Variants in LEO1 observed in about 807,000 individuals in gnomAD.
LEO1 encodes the protein RNA polymerase-associated protein LEO1.
A neutral mutation model predicts 80.4 loss-of-function variants in LEO1; 34 were observed. The observed-to-expected ratio is 0.42, with a 90% confidence interval of 0.32 to 0.56. LEO1 has a LOEUF of 0.56. LEO1 is among the 20% of genes least tolerant of loss of function. The probability of loss-of-function intolerance (pLI) is 0.10; values close to 1 mark genes in which losing one functional copy is unlikely to be tolerated. For synonymous variants in LEO1, 262 were observed against 274.9 expected (o/e 0.95, Z 0.46); for missense variants, 631 against 814.2 (o/e 0.77, Z 2.74).
intron 6 of LEO1, among the ~76,000 whole-genome samples, 185 bp downstream of exon 6, chr15:51,958,557 G>GA (rs2057006881): frequency 6.6e-6 from 1 of 152,184 alleles, no homozygotes; most frequent in Non-Finnish European, 1.5e-5. Flanking sequence ...GTATCAAAGA[G>GA]AAGCATTAAT....
chr15:51,960,845 C>G, intron 3 of LEO1, 112 bp from the exon 4 acceptor site: 1 of 667,188 alleles, frequency 1.5e-6, no homozygotes, highest in Non-Finnish European at 2.7e-6. Context: ...AGAAAACCAC[C>G]AAAAACATAA....
chr15:51,970,678 A>G (rs1305776159), intron 1 of LEO1, among the ~76,000 whole-genome samples: 2 of 152,216 alleles, frequency 1.3e-5, no homozygotes, highest in Non-Finnish European at 2.9e-5. Context: ...GGTTGGAGGA[A>G]GGAGCATATG....
chr15:51,971,730 C>T lies in LEO1; in HGVS notation c.16G>A (p.Asp6Asn), dbSNP rs141666233. The T allele has an allele frequency of 2.6e-5, 42 of 1,614,098 alleles. No homozygotes were observed. Among genetic ancestry groups the T allele is most frequent in the Non-Finnish European group, 3.2e-5 (38 of 1,180,046 alleles). Residue 6 changes from aspartate to asparagine, a missense_variant, in exon 1 of 12, where the codon GAT becomes AAT. Physicochemically the swap from Asp to Asn is conservative, Grantham distance 23. Around this residue, in one of 4 missense-constraint regions of LEO1, gnomAD observed 394 missense variants for 395.6 expected, o/e 1.00. Transcript: ENST00000299601. Reference protein sequence around the residue: MADMEDLFGSDADSEA... With the variant: MADMENLFGSDADSEA... ...CTGTCGGCGTCGCTCCCGAAGAGAT[C>T]CTCCATATCCGCCATTATCGCTCAC...
At position 51,958,737 on chromosome 15, in the gene LEO1, G is replaced by T; in HGVS notation, c.1245+5C>A. Reference sequence around the variant, plus strand: ...GAAAAAAAAGGAAAAAGCATGAAATGGTACCTTTAATTTTAACCTGGTTCT... The same window carrying T: ...GAAAAAAAAGGAAAAAGCATGAAATTGTACCTTTAATTTTAACCTGGTTCT... On this transcript the variant is annotated splice_donor_5th_base_variant and intron_variant, in intron 6 of 11. Transcript: ENST00000299601. 1 of 1,544,360 alleles carries T rather than the reference G, an allele frequency of 6.5e-7. No individual in the cohort carries two copies. Among genetic ancestry groups the T allele is most frequent in the South Asian group, 1.2e-5 (1 of 85,284 alleles).
chr15:51,961,315 C>T (rs1403880107), intron 3 of LEO1, among the ~76,000 whole-genome samples: 2 of 145,376 alleles, frequency 1.4e-5, no homozygotes, highest in Non-Finnish European at 3.0e-5. Context: ...CCACACCTGG[C>T]GGTAGAACTC....
chr15:51,943,464 G>A (rs1168753897), intron 11 of LEO1, among the ~76,000 whole-genome samples: 2 of 151,920 alleles, frequency 1.3e-5, no homozygotes, highest in Non-Finnish European at 2.9e-5. Context: ...CACTTTGGGA[G>A]GCTGAGGCAG....
intron 8 of LEO1, among the ~76,000 whole-genome samples, chr15:51,952,852 G>A (rs191549430): frequency 3.8e-4 from 58 of 152,312 alleles, no homozygotes; most frequent in Non-Finnish European, 7.5e-4. Flanking sequence ...TAGGCCTCTT[G>A]GCAGTTATAA....
Position 51,951,888 on chromosome 15 carries a change from T to C in LEO1, c.1567A>G (p.Met523Val), listed in dbSNP as rs1436146941. ...SKTQKIRILPMAGRDPECQRT... is the reference protein window; with the variant it reads ...SKTQKIRILPVAGRDPECQRT... The stretch of plus-strand genomic sequence containing the variant: ...TGGCATTCAGGATCACGACCAGCCA[T>C]TGGCAAGATTCTAATCTTCTGTGTC... Residue 523 changes from methionine to valine, a missense_variant, in exon 9 of 12, where the codon ATG becomes GTG. Coordinates refer to ENST00000299601, the MANE Select transcript of LEO1 (RefSeq NM_138792.4). 6.2e-7 allele frequency: 1 copy of C among 1,614,012 alleles called. No homozygotes were observed. The highest frequency in any genetic ancestry group is 8.5e-7 in the Non-Finnish European group (1 of 1,179,842).
intron 2 of LEO1, among the ~76,000 whole-genome samples, chr15:51,965,322 A>T (rs1181970081): frequency 1.3e-5 from 2 of 152,186 alleles, no homozygotes; most frequent in African/African-American, 4.8e-5. Flanking sequence ...AGCTGCAGCA[A>T]TGGTGCCCAC....
chr15:51,958,975 C>T (rs2057009995), intron 5 of LEO1, 149 bp from the exon 6 acceptor site: 1 of 477,496 alleles, frequency 2.1e-6, no homozygotes, highest in Admixed American at 4.1e-5. Flanking sequence ...TCATGCTTAA[C>T]TTCAAGGAAG....
intron 11 of LEO1, among the ~76,000 whole-genome samples, chr15:51,945,852 G>A (rs1336034444): frequency 6.6e-6 from 1 of 151,842 alleles, no homozygotes; most frequent in African/African-American, 2.4e-5. Flanking sequence ...AGCTAACACA[G>A]TGAAACCCCA....
intron 5 of LEO1, among the ~76,000 whole-genome samples, chr15:51,959,559 C>A (rs1052732051): frequency 1.3e-5 from 2 of 152,162 alleles, no homozygotes; most frequent in African/African-American, 4.8e-5. Context: ...TCTAGACCAA[C>A]AATAGCTGCT....
chr15:51,963,765 G>T (rs2057050925), intron 2 of LEO1, among the ~76,000 whole-genome samples: 1 of 151,912 alleles, frequency 6.6e-6, no homozygotes, highest in Non-Finnish European at 1.5e-5. Context: ...AGCTGGGTTT[G>T]GTGGTGCACA....
chr15:51,968,513 G>T (rs118087227), intron 1 of LEO1, among the ~76,000 whole-genome samples: 2,115 of 151,784 alleles, frequency 0.014, 81 homozygotes, highest in East Asian at 0.071. Flanking sequence ...TGCATGAAAG[G>T]GGAGACTCTG....
At chr15:51,956,339 GA>G (rs1322085163) in intron 6 of LEO1, among the ~76,000 whole-genome samples, 1 of 147,394 alleles carries the variant, frequency 6.8e-6, no homozygotes, top group Non-Finnish European at 1.5e-5. Context: ...AGAATTGCTT[GA>G]ACCCGGGAGG....
Position 51,966,309 on chromosome 15 carries a change from T to C in LEO1, c.254A>G (p.Asp85Gly). The change falls in exon 2 of 12, where the codon GAC becomes GGC. Residue 85 changes from aspartate (D) to glycine (G), a missense_variant. Around this residue, in one of 4 missense-constraint regions of LEO1, gnomAD observed 394 missense variants for 395.6 expected, o/e 1.00. Coordinates refer to ENST00000299601, the MANE Select transcript of LEO1 (RefSeq NM_138792.4). ...ACGCTCAGAAGCTTCTGATCTATTG[T>C]CTGATCTTTCAGAGTGATTATCACT... The part of the protein sequence containing the change: ...SGSDNHSERS[D>G]NRSEASERSD... The C allele has an allele frequency of 1.2e-6, 2 of 1,614,224 alleles. No individual in the cohort carries two copies. Among genetic ancestry groups the C allele is most frequent in the East Asian group, 2.2e-5 (1 of 44,884 alleles).
At chr15:51,944,951 A>C (rs1009544022) in intron 11 of LEO1, among the ~76,000 whole-genome samples, 25 of 152,166 alleles carry the variant, frequency 1.6e-4, no homozygotes, top group African/African-American at 6.0e-4. Context: ...CTACTCTCTC[A>C]GCTCTGCTAT....
intron 8 of LEO1, 101 bp from the exon 9 acceptor site, chr15:51,952,080 A>G (rs2056953802): frequency 2.0e-6 from 2 of 1,023,400 alleles, no homozygotes; most frequent in African/African-American, 1.6e-5. Context: ...ACCATTTCCT[A>G]GTCACCTGAA....
At chr15:51,942,934 A>C (rs1481314661) in intron 11 of LEO1, among the ~76,000 whole-genome samples, 1 of 149,926 alleles carries the variant, frequency 6.7e-6, no homozygotes, top group Non-Finnish European at 1.5e-5. Context: ...AAAAAAAAAA[A>C]AAACCAAAAA....
Sources: gnomAD v4.1 joint callset for allele counts (sites outside exome capture counted in the v4.1 genomes callset) on GRCh38, gnomAD v4.1.1 for gene constraint, gnomAD v4.1.1 regional missense constraint, MANE v1.5 for transcripts, NCBI Gene and HGNC (gene_info 2026-07-23, HGNC 2026-07-21) for gene names.